TJP2: variants seen among roughly 807,000 people sequenced by gnomAD.
TJP2 encodes the protein tight junction protein 2.
In TJP2, 91 loss-of-function variants were observed where a neutral mutation model predicts 133.1. The ratio of observed to expected loss-of-function variants is 0.68; its 90% CI spans 0.58 to 0.81. TJP2 has a LOEUF of 0.81. TJP2 is among the 40% of genes least tolerant of loss of function. The pLI is 0.00. For missense variants in TJP2, 1,541 were observed against 1,565.6 expected (o/e 0.98, Z 0.26); for synonymous variants, 592 against 583.4 (o/e 1.01, Z -0.21).
At chr9:69,155,571 G>A (rs1823713330) in intron 2 of TJP2, among the ~76,000 whole-genome samples, 1 of 152,268 alleles carries the variant, frequency 6.6e-6, no homozygotes, top group South Asian at 2.1e-4. Context: ...CCACTAACCT[G>A]GAGAGTACTT....
chr9:69,240,434 C>G (rs1033074968), intron 17 of TJP2, among the ~76,000 whole-genome samples: 2 of 152,184 alleles, frequency 1.3e-5, no homozygotes, highest in Non-Finnish European at 2.9e-5. Flanking sequence ...AGTGATTGAG[C>G]CAGGCCAAAC....
chr9:69,144,525 T>C (rs1027569949), intron 1 of TJP2, among the ~76,000 whole-genome samples: 34 of 152,170 alleles, frequency 2.2e-4, no homozygotes, highest in African/African-American at 7.0e-4. Context: ...CTTGAAGAAG[T>C]TGGTGAGGAA....
chr9:69,195,897 G>A (rs1347653223), intron 1 of TJP2, among the ~76,000 whole-genome samples: 1 of 152,230 alleles, frequency 6.6e-6, no homozygotes, highest in Admixed American at 6.5e-5. Flanking sequence ...AAGATGTTCT[G>A]AGTTGTCAGA....
intron 16 of TJP2, among the ~76,000 whole-genome samples, chr9:69,239,363 A>G (rs1325721446): frequency 6.6e-6 from 1 of 152,184 alleles, no homozygotes; most frequent in Non-Finnish European, 1.5e-5. Flanking sequence ...TGTGGAAACC[A>G]GTCACTGTTA....
At chr9:69,251,950 A>G (rs1831366775) in intron 21 of TJP2, among the ~76,000 whole-genome samples, 1 of 152,266 alleles carries the variant, frequency 6.6e-6, no homozygotes, top group Non-Finnish European at 1.5e-5. Flanking sequence ...TATACATAAC[A>G]TAAAATTTAC....
chr9:69,244,299 A>G lies in TJP2; in HGVS notation c.2567-2391A>G, dbSNP rs141484082. ...AGAACATTTTTATCATCCCCAAAAG[A>G]TACCCCATACCCATTAGCAGTCATT... On this transcript the variant is annotated intron_variant, in intron 17 of 22. Coordinates refer to ENST00000377245, the MANE Select transcript of TJP2 (RefSeq NM_004817.4). Among the ~76,000 whole-genome samples the G allele has an allele frequency of 1.6e-4, 24 of 152,108 alleles. No homozygotes were observed. In the East Asian group the frequency reaches 4.6e-3, roughly 29 times the overall value.
intron 11 of TJP2, among the ~76,000 whole-genome samples, chr9:69,232,908 C>G (rs934329328): frequency 3.3e-5 from 5 of 152,046 alleles, no homozygotes; most frequent in African/African-American, 9.7e-5. Flanking sequence ...CGAGACTGAT[C>G]TAAGGTTAAT....
At chr9:69,244,839 A>T (rs572614028) in intron 17 of TJP2, among the ~76,000 whole-genome samples, 1 of 152,354 alleles carries the variant, frequency 6.6e-6, no homozygotes, top group East Asian at 1.9e-4. Context: ...TGAATTCAGT[A>T]AGAGCTTTTG....
chr9:69,224,377 A>G (rs1829157682), intron 5 of TJP2, among the ~76,000 whole-genome samples: 1 of 151,800 alleles, frequency 6.6e-6, no homozygotes, highest in Non-Finnish European at 1.5e-5. Flanking sequence ...CCAACATTTT[A>G]TTTGAAAAGT....
intron 1 of TJP2, among the ~76,000 whole-genome samples, chr9:69,195,014 C>G (rs975948827): frequency 2.0e-4 from 31 of 152,330 alleles, no homozygotes; most frequent in African/African-American, 6.3e-4. Flanking sequence ...GAACCATCAT[C>G]TGATGGTGCC....
At chr9:69,229,083 T>A in intron 9 of TJP2, 101 bp from the exon 10 acceptor site, 1 of 1,066,556 alleles carries the variant, frequency 9.4e-7, no homozygotes, top group Non-Finnish European at 1.5e-6. Context: ...GTGACATATG[T>A]GGCATAGACT....
chr9:69,221,529 G>C lies in TJP2; in HGVS notation c.952+33G>C, dbSNP rs1348004604. On this transcript the variant is annotated intron_variant, in intron 5 of 22. Transcript: ENST00000377245. ...TGCTTGATGTGGGAAGAAAAGCACTGTTGTGATATGAATAACCTTTGTTTT... is the reference window on the plus strand; with the variant it reads ...TGCTTGATGTGGGAAGAAAAGCACTCTTGTGATATGAATAACCTTTGTTTT... The C allele has an allele frequency of 1.9e-6, 3 of 1,588,362 alleles. No homozygotes were observed. In the East Asian group the frequency reaches 6.8e-5, roughly 36 times the overall value.
intron 1 of TJP2, among the ~76,000 whole-genome samples, chr9:69,206,041 G>A (rs962922623): frequency 2.6e-5 from 4 of 151,776 alleles, no homozygotes; most frequent in Admixed American, 6.6e-5. Flanking sequence ...CTCTTCTTTT[G>A]TCACACAAAA....
At chr9:69,216,941 G>C (rs1828429537) in intron 3 of TJP2, among the ~76,000 whole-genome samples, 1 of 151,806 alleles carries the variant, frequency 6.6e-6, no homozygotes, top group South Asian at 2.1e-4. Context: ...TTTCTGACCT[G>C]AAGAAGTAAC....
chr9:69,149,519 C>CT (rs1450188287), intron 1 of TJP2, among the ~76,000 whole-genome samples: 1 of 152,212 alleles, frequency 6.6e-6, no homozygotes, highest in Non-Finnish European at 1.5e-5. Context: ...ACAAATAAAA[C>CT]TGACACCATC....
At chr9:69,219,752 T>C (rs1381334721) in intron 4 of TJP2, among the ~76,000 whole-genome samples, 1 of 152,188 alleles carries the variant, frequency 6.6e-6, no homozygotes, top group Non-Finnish European at 1.5e-5. Flanking sequence ...TATGTTTTCT[T>C]CCCTATCCAG....
At chr9:69,219,224 C>A (rs1828622803) in intron 4 of TJP2, among the ~76,000 whole-genome samples, 1 of 152,198 alleles carries the variant, frequency 6.6e-6, no homozygotes, top group African/African-American at 2.4e-5. Context: ...CAGCCTTGGC[C>A]TCCCAAAGTG....
At chr9:69,151,863 C>G in intron 2 of TJP2, 1 of 1,183,538 alleles carries the variant, frequency 8.4e-7, no homozygotes, top group Admixed American at 4.2e-5. Flanking sequence ...TAGAGGTAGT[C>G]AGAGTTACCA....
intron 1 of TJP2, among the ~76,000 whole-genome samples, chr9:69,179,182 T>A (rs938717973): frequency 6.6e-6 from 1 of 152,248 alleles, no homozygotes; most frequent in Non-Finnish European, 1.5e-5. Flanking sequence ...ACACCATTTA[T>A]GAGAAATCCT....
Sources: allele counts gnomAD v4.1 joint callset (sites outside exome capture counted in the v4.1 genomes callset), GRCh38; gene constraint gnomAD v4.1.1; transcripts MANE v1.5; gene names NCBI Gene and HGNC (gene_info 2026-07-23, HGNC 2026-07-21).